Variants in DGKE observed in about 807,000 individuals in gnomAD.
DGKE encodes the protein diacylglycerol kinase epsilon, also known as DAG kinase epsilon.
In DGKE, 53 loss-of-function variants were observed where a neutral mutation model predicts 70.0. The observed-to-expected ratio is 0.76, with a 90% CI of 0.61 to 0.95. DGKE has a LOEUF of 0.95. Ranked by LOEUF, DGKE falls within the 40% of genes least tolerant of loss-of-function variation. The pLI is 0.00. For synonymous variants in DGKE, 291 were observed against 257.0 expected, an observed-to-expected ratio of 1.13 and a Z score of -1.27; for missense variants, 655 against 706.9, an observed-to-expected ratio of 0.93 and a Z score of 0.83.
At chr17:56,850,374 C>G (rs575941499) in intron 7 of DGKE, among the ~76,000 whole-genome samples, 1 of 152,140 alleles carries the variant, frequency 6.6e-6, no homozygotes, top group Non-Finnish European at 1.5e-5. Flanking sequence ...CTCAAGCAAT[C>G]CTCCCACCTC....
chr17:56,853,796 A>T (rs1907785535), intron 7 of DGKE, among the ~76,000 whole-genome samples: 1 of 152,222 alleles, frequency 6.6e-6, no homozygotes, highest in South Asian at 2.1e-4. Context: ...ATGTTCCAGC[A>T]ATCCCATTTA....
chr17:56,845,839 A>G, intron 4 of DGKE, 30 bp downstream of exon 4: 1 of 1,558,784 alleles, frequency 6.4e-7, no homozygotes, highest in Non-Finnish European at 8.6e-7. Context: ...TTTTATATTA[A>G]TGTTTTCATT....
intron 4 of DGKE, 27 bp downstream of exon 4, chr17:56,845,836 T>G: frequency 6.4e-7 from 1 of 1,560,182 alleles, no homozygotes; most frequent in South Asian, 1.2e-5. Flanking sequence ...ACTTTTTATA[T>G]TAATGTTTTC....
Position 56,856,040 on chromosome 17 carries a change from T to C in DGKE, c.1099-472T>C, listed in dbSNP as rs944236636. Among the ~76,000 whole-genome samples the C allele has an allele frequency of 1.4e-5, 2 of 141,840 alleles. 1 individual carries two copies. Among genetic ancestry groups the C allele is most frequent in the African/African-American group, 5.2e-5 (2 of 38,286 alleles). The allele number at this position is 141,840 out of a possible 152,430, so 93.1% of individuals were successfully genotyped here. A position where few individuals can be genotyped will look rare whatever the true frequency, so the allele number is the denominator to read the frequency against. On this transcript the variant is annotated intron_variant, in intron 7 of 11. Transcript: ENST00000284061. ...AAAAAAAGGCTAAATTGAGAAGAGG[T>C]CAAGGGTGTGTTGGAACGAAGGATG...
In DGKE at chr17:56,834,989, C is replaced by T; in HGVS notation, c.194C>T (p.Thr65Met). The change falls in exon 2 of 12, where the codon ACG becomes ATG. Residue 65 changes from threonine (T) to methionine (M), a missense_variant. Transcript: ENST00000284061. ...FRKSKHGWRDTDLFSQPTYCC... is the reference protein window; with the variant it reads ...FRKSKHGWRDMDLFSQPTYCC... ...AAGAGCAAGCACGGGTGGCGCGACACGGACCTGTTCAGCCAGCCCACCTAC... is the reference window on the plus strand; with the variant it reads ...AAGAGCAAGCACGGGTGGCGCGACATGGACCTGTTCAGCCAGCCCACCTAC... 1 of 1,612,696 alleles carries T rather than the reference C, an allele frequency of 6.2e-7. No homozygotes were observed. Among genetic ancestry groups the T allele is most frequent in the South Asian group, 1.1e-5 (1 of 91,084 alleles).
In DGKE at chr17:56,866,581, TTGTC is replaced by T. The variant is rs1908533537; in HGVS notation, c.*3793_*3796del. 6.6e-6 allele frequency: 1 copy of T among 152,276 alleles called. No individual in the cohort carries two copies. Among genetic ancestry groups the T allele is most frequent in the Non-Finnish European group, 1.5e-5 (1 of 68,052 alleles). The allele number at this position is 152,276 out of a possible 1,614,324, so 9.4% of individuals were successfully genotyped here. A position where few individuals can be genotyped will look rare whatever the true frequency, so the allele number is the denominator to read the frequency against. On this transcript the variant is annotated 3_prime_UTR_variant, in exon 12 of 12. Transcript: ENST00000284061. The stretch of plus-strand genomic sequence containing the variant: ...TTGTATCATACCCAAATTGATATAT[TTGTC>T]TGAACTCTGTTACATAAAAATTGGT...
chr17:56,846,753 TATAAAAA>T (rs1907310505), intron 4 of DGKE, among the ~76,000 whole-genome samples: 1 of 152,168 alleles, frequency 6.6e-6, no homozygotes, highest in Non-Finnish European at 1.5e-5. Context: ...TTAAGAAAAT[TATAAAAA>T]ATACAGAGAA....
chr17:56,853,024 T>C (rs530223188), intron 7 of DGKE, among the ~76,000 whole-genome samples: 2 of 152,214 alleles, frequency 1.3e-5, no homozygotes. Flanking sequence ...AGTTTGAGAT[T>C]TGGGGACATT....
At chr17:56,840,877 G>A (rs1906935894) in intron 2 of DGKE, among the ~76,000 whole-genome samples, 1 of 152,076 alleles carries the variant, frequency 6.6e-6, no homozygotes, top group Non-Finnish European at 1.5e-5. Flanking sequence ...CTGTAGCCTA[G>A]CTACTCAGGA....
chr17:56,849,066 T>C (rs1429253716), intron 6 of DGKE, 115 bp from the exon 7 acceptor site: 2 of 1,207,288 alleles, frequency 1.7e-6, no homozygotes, highest in African/African-American at 3.1e-5. Context: ...CATGCTCATA[T>C]ACGTGTGGTT....
rs1908430732 is a variant in DGKE, at chr17:56,864,054, T to C, written c.*1263T>C. 1 of 152,232 alleles carries C rather than the reference T, an allele frequency of 6.6e-6. No homozygotes were observed. The highest frequency in any genetic ancestry group is 1.5e-5 in the Non-Finnish European group (1 of 68,038). The allele number at this position is 152,232 out of a possible 1,614,324, so 9.4% of individuals were successfully genotyped here. A position where few individuals can be genotyped will look rare whatever the true frequency, so the allele number is the denominator to read the frequency against. On this transcript the variant is annotated 3_prime_UTR_variant, in exon 12 of 12. Coordinates refer to ENST00000284061, the MANE Select transcript of DGKE (RefSeq NM_003647.3). Reference sequence around the variant, plus strand: ...CATGAAAAGCACTAGGGAACTACTTTTGGATAACTGAAAGCTTTGTTTCAT... The same window carrying C: ...CATGAAAAGCACTAGGGAACTACTTCTGGATAACTGAAAGCTTTGTTTCAT...
rs764955470 is a variant in DGKE at position 56,864,196 on chromosome 17, G to T, written c.*1405G>T. On this transcript the variant is annotated 3_prime_UTR_variant, in exon 12 of 12. Transcript: ENST00000284061. Reference sequence around the variant, plus strand: ...CCCAAGGGTCGTGACCCACAGGTCGGCTGACCCAGAGGGCATCCAGCCTGG... The same window carrying T: ...CCCAAGGGTCGTGACCCACAGGTCGTCTGACCCAGAGGGCATCCAGCCTGG... 8.5e-5 allele frequency: 13 copies of T among 152,246 alleles called. No individual in the cohort carries two copies. Among genetic ancestry groups the T allele is most frequent in the Non-Finnish European group, 1.6e-4 (11 of 68,048 alleles). The allele number at this position is 152,246 out of a possible 1,614,324, so 9.4% of individuals were successfully genotyped here. A position where few individuals can be genotyped will look rare whatever the true frequency, so the allele number is the denominator to read the frequency against.
At chr17:56,835,842 T>C (rs1049558324) in intron 2 of DGKE, 5 of 153,110 alleles carry the variant, frequency 3.3e-5, no homozygotes, top group African/African-American at 1.2e-4. Flanking sequence ...TGACCTTGAT[T>C]AAGCCAAGAA....
In DGKE at chr17:56,834,824, G is replaced by C. The variant is rs777447868; in HGVS notation, c.29G>C (p.Gly10Ala). 1.2e-6 allele frequency: 2 copies of C among 1,606,976 alleles called. No homozygotes were observed. Among genetic ancestry groups the C allele is most frequent in the Non-Finnish European group, 1.7e-6 (2 of 1,177,492 alleles). The change falls in exon 2 of 12, where the codon GGC becomes GCC. Residue 10 changes from glycine to alanine, a missense_variant. Physicochemically the swap from Gly to Ala is moderately conservative, Grantham distance 60 (BLOSUM62 0). Coordinates refer to ENST00000284061, the MANE Select transcript of DGKE (RefSeq NM_003647.3). ...GAAGCGGAGAGGCGGCCGGCGCCGG[G>C]CTCGCCCTCCGAGGGCCTGTTTGCG... MEAERRPAP[G>A]SPSEGLFADG...
intron 7 of DGKE, among the ~76,000 whole-genome samples, chr17:56,850,956 C>T (rs940678591): frequency 2.0e-5 from 3 of 151,852 alleles, no homozygotes; most frequent in East Asian, 1.9e-4. Context: ...GGAAGTGATA[C>T]GGGAGTTGGT....
Position 56,856,516 on chromosome 17 carries a change from T to G in DGKE, c.1103T>G (p.Phe368Cys). ...GYYNLRKPKE[F>C]TMNNYFSVGP... ...TATTCTTACCCTTTCTCACAGGAAT[T>G]CACAATGAACAACTATTTTTCTGTT... is the stretch of plus-strand genomic sequence containing the variant. Residue 368 changes from phenylalanine to cysteine, a missense_variant, in exon 8 of 12, where the codon TTC becomes TGC. Coordinates refer to ENST00000284061, the MANE Select transcript of DGKE (RefSeq NM_003647.3). The G allele has an allele frequency of 6.2e-7, 1 of 1,612,620 alleles. No individual in the cohort carries two copies. The highest frequency in any genetic ancestry group is 8.5e-7 in the Non-Finnish European group (1 of 1,179,480).
Position 56,856,512 on chromosome 17 carries a change from G to T in DGKE, c.1099G>T (p.Glu367Ter), listed in dbSNP as rs751994856. The T allele has an allele frequency of 6.2e-7, 1 of 1,612,320 alleles. No homozygotes were observed. The highest frequency in any genetic ancestry group is 8.5e-7 in the Non-Finnish European group (1 of 1,179,314). Residue 367 changes from glutamate (E) to a stop codon, truncating the protein, a stop_gained and splice_region_variant, in exon 8 of 12, where the codon GAA becomes TAA. Coordinates refer to ENST00000284061, the MANE Select transcript of DGKE (RefSeq NM_003647.3). LOFTEE classifies it high-confidence loss of function. Reference protein sequence around the residue: ...KGYYNLRKPKEFTMNNYFSVG... With the variant: ...KGYYNLRKPK ...TGCTTATTCTTACCCTTTCTCACAGGAATTCACAATGAACAACTATTTTTC... is the reference window on the plus strand; with the variant it reads ...TGCTTATTCTTACCCTTTCTCACAGTAATTCACAATGAACAACTATTTTTC...
At chr17:56,840,656 G>A (rs527747456) in intron 2 of DGKE, among the ~76,000 whole-genome samples, 10 of 152,272 alleles carry the variant, frequency 6.6e-5, no homozygotes, top group South Asian at 2.1e-4. Flanking sequence ...GGGATTATAC[G>A]CATGCCCCAC....
Position 56,861,883 on chromosome 17 carries a change from G to A in DGKE, c.1377G>A (p.Trp459Ter). 6.2e-7 allele frequency: 1 copy of A among 1,613,600 alleles called. No homozygotes were observed. The highest frequency in any genetic ancestry group is 1.1e-5 in the South Asian group (1 of 91,026). ...IGYWGGGCRL[W>*]EGMGDETYPL... The stretch of plus-strand genomic sequence containing the variant: ...ACTGGGGCGGTGGCTGCAGACTATG[G>A]GAAGGGATGGGGGACGAGACTTACC... Residue 459 changes from tryptophan to a stop codon, truncating the protein, a stop_gained, in exon 10 of 12, where the codon TGG becomes TGA. Transcript: ENST00000284061. LOFTEE classifies it high-confidence loss of function.
Sources: gnomAD v4.1 joint callset for allele counts (sites outside exome capture counted in the v4.1 genomes callset) on GRCh38, gnomAD v4.1.1 for gene constraint, MANE v1.5 for transcripts, NCBI Gene and HGNC (gene_info 2026-07-23, HGNC 2026-07-21) for gene names.